CHN1: variants seen among roughly 807,000 people sequenced by gnomAD.
CHN1 encodes chimerin 1.
CHN1 carries 37 observed loss-of-function variants against 59.5 expected under a neutral mutation model. That is an observed-to-expected ratio of 0.62 (90% CI 0.48 to 0.82). CHN1 has a LOEUF of 0.82. CHN1 is among the 40% of genes least tolerant of loss of function. CHN1 has a pLI of 0.00. For synonymous variants in CHN1, 206 were observed against 200.4 expected, an observed-to-expected ratio of 1.03 and a Z score of -0.24; for missense variants, 469 against 571.0, an observed-to-expected ratio of 0.82 and a Z score of 1.82.
chr2:174,940,031 A>AT (rs1451691634), intron 3 of CHN1, among the ~76,000 whole-genome samples: 11 of 150,900 alleles, frequency 7.3e-5, no homozygotes, highest in South Asian at 4.2e-4. Context: ...ATTTTATTTT[A>AT]TTTATTTATT....
rs538238548 is a variant in CHN1 at position 174,918,583 on chromosome 2, A to C, written c.115-18T>G. 21 of 1,584,418 alleles carry C rather than the reference A, an allele frequency of 1.3e-5. No homozygotes were observed. Among genetic ancestry groups the C allele is most frequent in the African/African-American group, 1.1e-4 (8 of 74,290 alleles). ...TTTTCCACCTATTGGGAAAGCAAAAAAACAGGCATATTTGTAAAAATGCAA... is the reference window on the plus strand; with the variant it reads ...TTTTCCACCTATTGGGAAAGCAAAACAACAGGCATATTTGTAAAAATGCAA... On this transcript the variant is annotated intron_variant, in intron 3 of 12. Transcript: ENST00000409900.
rs1249186659 is a variant in CHN1 at position 174,799,479 on chromosome 2, T to C, written c.*637A>G. 4.1e-6 allele frequency: 2 copies of C among 483,918 alleles called. No individual in the cohort carries two copies. The highest frequency in any genetic ancestry group is 1.7e-5 in the South Asian group (1 of 58,920). The allele number at this position is 483,918 out of a possible 1,614,324, so 30.0% of individuals were successfully genotyped here. On this transcript the variant is annotated 3_prime_UTR_variant, in exon 13 of 13. Transcript: ENST00000409900. ...AATTACAACTGAAAACCAATAATAA[T>C]TTAACAGAAAATGCTGTGTTGTACA...
At chr2:174,855,148 C>G (rs1233891085) in intron 6 of CHN1, among the ~76,000 whole-genome samples, 1 of 152,096 alleles carries the variant, frequency 6.6e-6, no homozygotes, top group Non-Finnish European at 1.5e-5. Flanking sequence ...AATGTCAGGA[C>G]TTATTTATAG....
At chr2:174,901,139 A>G (rs1467582694) in intron 5 of CHN1, among the ~76,000 whole-genome samples, 1 of 152,238 alleles carries the variant, frequency 6.6e-6, no homozygotes, top group African/African-American at 2.4e-5. Flanking sequence ...AGGAAATTCA[A>G]GCTTGGGTTA....
At chr2:174,997,084 T>G (rs1372982878) in intron 1 of CHN1, among the ~76,000 whole-genome samples, 1 of 152,210 alleles carries the variant, frequency 6.6e-6, no homozygotes, top group African/African-American at 2.4e-5. Flanking sequence ...AATTCCTTGA[T>G]GGCAGGAACA....
chr2:174,836,226 CCTT>C (rs1406354386), intron 7 of CHN1, among the ~76,000 whole-genome samples: 2 of 152,106 alleles, frequency 1.3e-5, no homozygotes, highest in Non-Finnish European at 2.9e-5. Context: ...TGTTTGTGTT[CCTT>C]CTTTCAGTTG....
chr2:175,002,702 A>G (rs969589823), intron 1 of CHN1, among the ~76,000 whole-genome samples: 6 of 152,276 alleles, frequency 3.9e-5, no homozygotes, highest in Admixed American at 6.5e-5. Flanking sequence ...TACTCTGGGG[A>G]GCCTCAGGTA....
chr2:174,972,133 A>G (rs1329286173), intron 1 of CHN1, among the ~76,000 whole-genome samples: 1 of 152,192 alleles, frequency 6.6e-6, no homozygotes, highest in Non-Finnish European at 1.5e-5. Flanking sequence ...TTCATTCACG[A>G]TGCTATTAAA....
chr2:174,986,393 A>T (rs1156915941), intron 1 of CHN1, among the ~76,000 whole-genome samples: 1 of 152,250 alleles, frequency 6.6e-6, no homozygotes, highest in Admixed American at 6.5e-5. Flanking sequence ...TAGATCCACC[A>T]TATGTGTATG....
intron 3 of CHN1, among the ~76,000 whole-genome samples, chr2:174,926,907 G>A (rs759298150): frequency 1.3e-4 from 19 of 151,942 alleles, no homozygotes; most frequent in South Asian, 2.1e-4. Flanking sequence ...AAAGGCGCCC[G>A]CCACCACGCC....
intron 5 of CHN1, among the ~76,000 whole-genome samples, chr2:174,890,033 C>CA (rs1298747990): frequency 1.3e-5 from 2 of 151,716 alleles, no homozygotes; most frequent in Non-Finnish European, 2.9e-5. Context: ...ATAAGATAAG[C>CA]AAAAAACAAT....
intron 5 of CHN1, among the ~76,000 whole-genome samples, chr2:174,898,885 C>T (rs1015392849): frequency 1.3e-5 from 2 of 152,046 alleles, no homozygotes; most frequent in African/African-American, 4.8e-5. Flanking sequence ...AAAATATTCC[C>T]GATTACCTAG....
At chr2:174,844,493 T>C (rs1686433918) in intron 7 of CHN1, among the ~76,000 whole-genome samples, 1 of 152,204 alleles carries the variant, frequency 6.6e-6, no homozygotes, top group South Asian at 2.1e-4. Flanking sequence ...GAGGCTTTGG[T>C]GAGTGGGCCC....
chr2:174,849,930 G>A (rs768143188), intron 6 of CHN1, among the ~76,000 whole-genome samples: 2 of 152,180 alleles, frequency 1.3e-5, no homozygotes, highest in African/African-American at 2.4e-5. Context: ...TTCTATTCAA[G>A]GTGGTTTCTC....
At chr2:174,962,113 C>T (rs1434945559) in intron 1 of CHN1, among the ~76,000 whole-genome samples, 6 of 151,906 alleles carry the variant, frequency 3.9e-5, no homozygotes, top group Admixed American at 1.3e-4. Flanking sequence ...GGTGAAACCC[C>T]GTCTCTACTA....
At chr2:174,917,183 A>G (rs371303925) in intron 4 of CHN1, among the ~76,000 whole-genome samples, 57 of 152,316 alleles carry the variant, frequency 3.7e-4, no homozygotes, top group African/African-American at 1.3e-3. Context: ...CTATAATCCC[A>G]ACACTTTGGG....
In CHN1 at chr2:174,799,263, T is replaced by C. The variant is rs1052362942; in HGVS notation, c.*853A>G. 2.0e-5 allele frequency: 6 copies of C among 297,658 alleles called. No homozygotes were observed. The highest frequency in any genetic ancestry group is 9.8e-5 in the Admixed American group (2 of 20,392). The allele number at this position is 297,658 out of a possible 1,614,324, so 18.4% of individuals were successfully genotyped here. A position where few individuals can be genotyped will look rare whatever the true frequency, so the allele number is the denominator to read the frequency against. ...ATGGTTGTTCTAACTGTAAGCAGTT[T>C]TAAATGATTATTTTAGAAGCTTATC... On this transcript the variant is annotated 3_prime_UTR_variant, in exon 13 of 13. Coordinates refer to ENST00000409900, the MANE Select transcript of CHN1 (RefSeq NM_001822.7).
intron 5 of CHN1, among the ~76,000 whole-genome samples, chr2:174,899,733 T>C (rs1033740184): frequency 2.0e-5 from 3 of 152,198 alleles, no homozygotes; most frequent in Admixed American, 1.3e-4. Context: ...TTTGAGGAGC[T>C]TGTCAAATTC....
At chr2:174,897,768 A>C (rs1384987124) in intron 5 of CHN1, among the ~76,000 whole-genome samples, 1 of 152,206 alleles carries the variant, frequency 6.6e-6, no homozygotes, top group Non-Finnish European at 1.5e-5. Flanking sequence ...CAGAAAGAAT[A>C]GGTTCCTTAG....
Sources: allele counts gnomAD v4.1 joint callset (sites outside exome capture counted in the v4.1 genomes callset), GRCh38; gene constraint gnomAD v4.1.1; transcripts MANE v1.5; gene names NCBI Gene and HGNC (gene_info 2026-07-23, HGNC 2026-07-21).